NDEL1: variants seen among roughly 807,000 people sequenced by gnomAD.
NDEL1 encodes nuclear distribution protein nudE-like 1.
Under a neutral mutation model 45.7 loss-of-function variants are expected in NDEL1, and 9 were observed. That is an observed-to-expected ratio of 0.20 (90% CI 0.12 to 0.34). NDEL1 has a LOEUF of 0.34. Ranked by LOEUF, NDEL1 falls within the 10% of genes least tolerant of loss-of-function variation. The probability of loss-of-function intolerance (pLI) is 1.00; values close to 1 mark genes in which losing one functional copy is unlikely to be tolerated. For synonymous variants in NDEL1, 133 were observed against 158.6 expected (o/e 0.84, Z 1.21); for missense variants, 306 against 406.2 (o/e 0.75, Z 2.12).
At position 8,467,978 on chromosome 17, in the gene NDEL1, CTGAGA is replaced by C. The variant is rs937153523; in HGVS notation, c.*957_*961del. ...TACATAGGTTTGTAAACATTATTGC[CTGAGA>C]TATTTGTATATAACTTGGGCTTTGT... On this transcript the variant is annotated 3_prime_UTR_variant, in exon 9 of 9. Transcript: ENST00000334527. This position sits in a 1 kb window ranked among gnomAD's most constrained non-coding sequence, Gnocchi z 6.3. The C allele has an allele frequency of 2.6e-5, 4 of 152,542 alleles. No homozygotes were observed. Among genetic ancestry groups the C allele is most frequent in the African/African-American group, 9.7e-5 (4 of 41,406 alleles). 9.4% of individuals were successfully genotyped at this position (152,542 alleles called of 1,614,324 possible).
chr17:8,419,029 G>C (rs1443442841), intron 1 of NDEL1, among the ~76,000 whole-genome samples: 1 of 151,172 alleles, frequency 6.6e-6, no homozygotes. Context: ...TTTTTATTTT[G>C]TATAGACGCA....
chr17:8,440,585 A>C (rs1909669571), intron 1 of NDEL1, among the ~76,000 whole-genome samples: 1 of 152,176 alleles, frequency 6.6e-6, no homozygotes, highest in African/African-American at 2.4e-5. Flanking sequence ...ACTGAATGTA[A>C]GTAGTTGGAC....
intron 8 of NDEL1, chr17:8,463,031 C>G (rs1164158985): frequency 1.1e-5 from 3 of 276,236 alleles, no homozygotes; most frequent in Admixed American, 5.5e-5. Context: ...CATGGGCTGC[C>G]GTGCCTGCTT....
rs374111380 is a variant in NDEL1, at chr17:8,425,783, CT to C, written c.-13+12526del. 2.7e-3 allele frequency among the ~76,000 whole-genome samples: 385 copies of C among 144,850 alleles called. 2 individuals are homozygous for C. The highest frequency in any genetic ancestry group is 6.7e-3 in the African/African-American group (264 of 39,662). Reference sequence around the variant, plus strand: ...TGCTGGCATACTCAGGGTTCTTTGTCTTTTTTTTTTTTCTTTTTTCTTTTTT... The same window carrying C: ...TGCTGGCATACTCAGGGTTCTTTGTCTTTTTTTTTTTCTTTTTTCTTTTTT... On this transcript the variant is annotated intron_variant, in intron 1 of 4. Coordinates refer to the NDEL1 transcript ENST00000582812.
At chr17:8,463,311 T>C in intron 8 of NDEL1, 1 of 1,610,336 alleles carries the variant, frequency 6.2e-7, no homozygotes, top group Non-Finnish European at 8.5e-7. Context: ...TTCTCCTTTC[T>C]TTTATTAGGC....
upstream of NDEL1, among the ~76,000 whole-genome samples, chr17:8,433,473 T>C (rs1475577999): frequency 1.3e-5 from 2 of 152,326 alleles, no homozygotes; most frequent in East Asian, 3.9e-4. Flanking sequence ...CTTTGTCCTT[T>C]TACACTTTTA....
At chr17:8,453,146 C>T (rs988112221) in intron 6 of NDEL1, among the ~76,000 whole-genome samples, 3 of 152,180 alleles carry the variant, frequency 2.0e-5, no homozygotes, top group Admixed American at 6.5e-5. Context: ...ATCTAGAAAT[C>T]CCTGCCAAGA....
At chr17:8,470,203 A>G (rs1434862355), downstream of NDEL1, among the ~76,000 whole-genome samples, 1 of 152,128 alleles carries the variant, frequency 6.6e-6, no homozygotes, top group Non-Finnish European at 1.5e-5. The surrounding 1 kb of genome is among the most constrained non-coding windows in gnomAD (Gnocchi z 4.2). Flanking sequence ...CTAGCTGAAG[A>G]GTGCCTCTGG....
At chr17:8,426,103 C>G (rs769445361) in intron 1 of NDEL1, among the ~76,000 whole-genome samples, 3 of 152,314 alleles carry the variant, frequency 2.0e-5, no homozygotes, top group Non-Finnish European at 4.4e-5. Context: ...CTGTCTATTT[C>G]TGTTTCCCTT....
intron 8 of NDEL1, 139 bp from the exon 9 acceptor site, chr17:8,466,791 G>A: frequency 1.3e-6 from 1 of 757,956 alleles, no homozygotes. Flanking sequence ...GGCAGCCAGT[G>A]CCCCTTGGGC....
intron 1 of NDEL1, chr17:8,443,954 T>G (rs953879913): frequency 4.7e-6 from 1 of 210,876 alleles, no homozygotes; most frequent in African/African-American, 2.3e-5. Flanking sequence ...AACCAACTGC[T>G]GCAACTCTGT....
intron 5 of NDEL1, among the ~76,000 whole-genome samples, chr17:8,449,537 T>C (rs1910325825): frequency 6.6e-6 from 1 of 152,224 alleles, no homozygotes; most frequent in Admixed American, 6.5e-5. Context: ...CTATACCTAT[T>C]GAATAGTGAC....
intron 1 of NDEL1, among the ~76,000 whole-genome samples, chr17:8,428,868 T>C (rs1441217071): frequency 2.6e-5 from 4 of 151,274 alleles, no homozygotes; most frequent in Non-Finnish European, 4.4e-5. Flanking sequence ...AGAGACGGGG[T>C]TTCACCGTGT....
At chr17:8,422,436 G>A (rs1908727099) in intron 1 of NDEL1, among the ~76,000 whole-genome samples, 1 of 151,260 alleles carries the variant, frequency 6.6e-6, no homozygotes, top group African/African-American at 2.4e-5. Flanking sequence ...AGCCTCCCAA[G>A]CAGCTGGGAT....
intron 1 of NDEL1, among the ~76,000 whole-genome samples, chr17:8,416,386 G>A (rs1191596767): frequency 6.6e-6 from 1 of 152,156 alleles, no homozygotes; most frequent in Non-Finnish European, 1.5e-5. Flanking sequence ...GATAGGTTTT[G>A]ACTATCTGGA....
intron 7 of NDEL1, 99 bp from the exon 8 acceptor site, chr17:8,459,910 A>G (rs1305035087): frequency 8.1e-7 from 1 of 1,235,872 alleles, no homozygotes; most frequent in East Asian, 2.3e-5. Context: ...AACTGAGATG[A>G]GTAAGTTTTG....
At chr17:8,462,831 T>C (rs1313992522) in intron 8 of NDEL1, 4 of 154,358 alleles carry the variant, frequency 2.6e-5, no homozygotes, top group Non-Finnish European at 5.7e-5. Context: ...TGTGTGCGGG[T>C]GTACATGTGT....
intron 1 of NDEL1, among the ~76,000 whole-genome samples, chr17:8,440,300 G>A (rs1223997183): frequency 2.0e-5 from 3 of 152,036 alleles, no homozygotes; most frequent in South Asian, 4.1e-4. Flanking sequence ...GGCAGATCAC[G>A]AGGTCAGGAG....
downstream of NDEL1, among the ~76,000 whole-genome samples, chr17:8,472,191 C>T (rs1911852919): frequency 6.6e-6 from 1 of 152,226 alleles, no homozygotes; most frequent in African/African-American, 2.4e-5. Context: ...CTGGGTCGGT[C>T]ATACCCAGAG....
Sources: allele counts gnomAD v4.1 joint callset (sites outside exome capture counted in the v4.1 genomes callset), GRCh38; gene constraint gnomAD v4.1.1; non-coding constraint Gnocchi (gnomAD v3.1); transcripts MANE v1.5; gene names NCBI Gene and HGNC (gene_info 2026-07-23, HGNC 2026-07-21).